Variants in TMTC2 observed in about 807,000 individuals in gnomAD.
The protein encoded by TMTC2 is protein O-mannosyl-transferase TMTC2.
Under a neutral mutation model 82.4 loss-of-function variants are expected in TMTC2, and 43 were observed. The observed-to-expected ratio is 0.52, with a 90% CI of 0.41 to 0.67. The LOEUF is 0.67. Among genes scored for constraint, TMTC2 ranks in the 30% least tolerant of loss-of-function variants. The probability of loss-of-function intolerance (pLI) is 0.00; values close to 1 mark genes in which losing one functional copy is unlikely to be tolerated. For missense variants in TMTC2, 919 were observed against 1,012.4 expected (o/e 0.91, Z 1.25); for synonymous variants, 408 against 381.9 (o/e 1.07, Z -0.80).
chr12:82,693,968 CAAAAAA>C (rs1005660355), intron 1 of TMTC2, among the ~76,000 whole-genome samples: 1 of 41,454 alleles, frequency 2.4e-5, no homozygotes, highest in Non-Finnish European at 5.0e-5. Context: ...AACTCCATCT[CAAAAAA>C]AAAAAAAAAA....
chr12:82,789,505 A>C, intron 1 of TMTC2, among the ~76,000 whole-genome samples: 1 of 152,138 alleles, frequency 6.6e-6, no homozygotes, highest in East Asian at 1.9e-4. Flanking sequence ...TTGTCCTTTC[A>C]TCTGGTATGA....
chr12:82,732,470 A>G (rs1001738171), intron 1 of TMTC2, among the ~76,000 whole-genome samples: 1 of 151,974 alleles, frequency 6.6e-6, no homozygotes, highest in Non-Finnish European at 1.5e-5. Context: ...AGCCTCCTGA[A>G]TAGCTGGGAC....
At chr12:82,868,758 C>A (rs1047948147) in intron 2 of TMTC2, among the ~76,000 whole-genome samples, 2 of 145,724 alleles carry the variant, frequency 1.4e-5, no homozygotes, top group African/African-American at 5.0e-5. Flanking sequence ...GGTTATTCTT[C>A]CCCAACCTGG....
chr12:82,836,855 A>G (rs999202073), intron 1 of TMTC2, among the ~76,000 whole-genome samples: 3 of 152,072 alleles, frequency 2.0e-5, no homozygotes, highest in Admixed American at 2.0e-4. Flanking sequence ...CAATTTGACC[A>G]GCCTTCATTC....
chr12:82,729,908 C>G (rs1211129862), intron 1 of TMTC2, among the ~76,000 whole-genome samples: 1 of 152,080 alleles, frequency 6.6e-6, no homozygotes, highest in East Asian at 1.9e-4. Context: ...ACCACGAACC[C>G]ACTGGGAGAA....
chr12:82,795,420 G>A (rs915611523), intron 1 of TMTC2, among the ~76,000 whole-genome samples: 2 of 151,864 alleles, frequency 1.3e-5, no homozygotes, highest in African/African-American at 4.8e-5. Context: ...TGATATCATG[G>A]TCCTGTATTT....
intron 3 of TMTC2, among the ~76,000 whole-genome samples, chr12:82,917,060 C>CACATGAAG: frequency 6.6e-6 from 1 of 152,216 alleles, no homozygotes; most frequent in East Asian, 1.9e-4. Context: ...TACAAAGGCT[C>CACATGAAG]TTATTTCCCT....
At chr12:83,057,297 A>T (rs2137465955) in intron 10 of TMTC2, among the ~76,000 whole-genome samples, 1 of 152,098 alleles carries the variant, frequency 6.6e-6, no homozygotes, top group East Asian at 1.9e-4. Flanking sequence ...GACTTTTTAA[A>T]AAATTATATT....
chr12:83,124,969 G>C (rs949394721), intron 11 of TMTC2, among the ~76,000 whole-genome samples: 1 of 152,144 alleles, frequency 6.6e-6, no homozygotes, highest in African/African-American at 2.4e-5. Flanking sequence ...GTAAAGAGAG[G>C]TAAAATATGA....
At chr12:82,813,630 A>G (rs187229323) in intron 1 of TMTC2, among the ~76,000 whole-genome samples, 1 of 152,094 alleles carries the variant, frequency 6.6e-6, no homozygotes, top group East Asian at 1.9e-4. Context: ...GTTTTATAAG[A>G]TTTTTTGGCA....
At chr12:83,057,853 A>G (rs1364928231) in intron 10 of TMTC2, among the ~76,000 whole-genome samples, 1 of 151,196 alleles carries the variant, frequency 6.6e-6, no homozygotes. Flanking sequence ...CAATAATTGT[A>G]GTTAGAGAGT....
intron 10 of TMTC2, among the ~76,000 whole-genome samples, chr12:83,054,842 G>T (rs1305832749): frequency 2.0e-5 from 3 of 151,934 alleles, no homozygotes; most frequent in Non-Finnish European, 2.9e-5. Context: ...TCATCATAAT[G>T]AAGGCAAAAT....
At chr12:82,851,195 C>T (rs936535239) in intron 1 of TMTC2, among the ~76,000 whole-genome samples, 4 of 151,720 alleles carry the variant, frequency 2.6e-5, no homozygotes, top group African/African-American at 7.3e-5. Context: ...TTTGGGAGGC[C>T]GAGGCAGGCA....
intron 4 of TMTC2, among the ~76,000 whole-genome samples, chr12:82,959,014 G>A (rs1197395796): frequency 6.6e-6 from 1 of 152,094 alleles, no homozygotes; most frequent in Admixed American, 6.6e-5. Flanking sequence ...ACAGTCAGTA[G>A]CATTTCTGTA....
chr12:83,084,236 T>C (rs1019023861), intron 11 of TMTC2, among the ~76,000 whole-genome samples: 3 of 152,332 alleles, frequency 2.0e-5, no homozygotes, highest in Non-Finnish European at 2.9e-5. Context: ...GATACAAATC[T>C]TTGGGACAGC....
At chr12:82,994,315 G>A (rs1223051034) in intron 8 of TMTC2, among the ~76,000 whole-genome samples, 1 of 152,032 alleles carries the variant, frequency 6.6e-6, no homozygotes, top group Admixed American at 6.6e-5. Flanking sequence ...TACCGGGCCC[G>A]GATAATTTTA....
At chr12:82,804,330 G>A (rs1053067977) in intron 1 of TMTC2, among the ~76,000 whole-genome samples, 6 of 152,126 alleles carry the variant, frequency 3.9e-5, no homozygotes, top group Non-Finnish European at 7.4e-5. Flanking sequence ...GCATCTATAA[G>A]TGTTCAGAAA....
intron 9 of TMTC2, among the ~76,000 whole-genome samples, chr12:83,033,538 G>A (rs1384453356): frequency 6.6e-6 from 1 of 152,062 alleles, no homozygotes; most frequent in Admixed American, 6.6e-5. Context: ...AGATCACTAG[G>A]TCAGGAGTTT....
At chr12:82,997,221 C>CTCTCTCTCTCTCTATATATATA (rs1451262969) in intron 8 of TMTC2, among the ~76,000 whole-genome samples, 11 of 118,546 alleles carry the variant, frequency 9.3e-5, no homozygotes, top group African/African-American at 4.0e-4. Flanking sequence ...CTCTCTCTCT[C>CTCTCTCTCTCTCTATATATATA]TATATATATA....
Sources: gnomAD v4.1 joint callset for allele counts (sites outside exome capture counted in the v4.1 genomes callset) on GRCh38, gnomAD v4.1.1 for gene constraint, MANE v1.5 for transcripts, NCBI Gene and HGNC (gene_info 2026-07-23, HGNC 2026-07-21) for gene names.